The following PACRG variants were observed in gnomAD, a reference collection of about 807,000 sequenced individuals.
PACRG encodes parkin coregulated, also known as parkin coregulated gene protein.
Under a neutral mutation model 29.7 loss-of-function variants are expected in PACRG, and 29 were observed. That is an observed-to-expected ratio of 0.98 (90% CI 0.73 to 1.33). The LOEUF is 1.33. Ranked by LOEUF, PACRG falls within the 40% of genes most tolerant of loss-of-function variation. The probability of loss-of-function intolerance (pLI) is 0.00; values close to 1 mark genes in which losing one functional copy is unlikely to be tolerated. For missense variants in PACRG, 279 were observed against 316.2 expected (o/e 0.88, Z 0.89); for synonymous variants, 116 against 118.7 (o/e 0.98, Z 0.15).
chr6:163,116,154 A>G (rs914196276), intron 4 of PACRG, among the ~76,000 whole-genome samples: 62 of 152,360 alleles, frequency 4.1e-4, no homozygotes, highest in South Asian at 2.1e-4. Flanking sequence ...TGCAGGCTGT[A>G]CAGGAAGCAT....
At chr6:163,054,891 C>T (rs1810411941) in intron 2 of PACRG, among the ~76,000 whole-genome samples, 1 of 152,148 alleles carries the variant, frequency 6.6e-6, no homozygotes, top group Non-Finnish European at 1.5e-5. Context: ...GGACCGCCTC[C>T]CCCCTGGCTG....
chr6:163,188,031 C>T lies in PACRG; in HGVS notation c.613+98623C>T, dbSNP rs75362008. 8.3e-4 allele frequency among the ~76,000 whole-genome samples: 126 copies of T among 152,268 alleles called. 2 individuals are homozygous for T. In the East Asian group the frequency reaches 0.02, roughly 24 times the overall value. On this transcript the variant is annotated intron_variant, in intron 4 of 4. Transcript: ENST00000366888. The stretch of plus-strand genomic sequence containing the variant: ...AAAATGAGCATATCTCTTTGAAACA[C>T]CCCTTACAATATTAGTTTTTAAAAT...
At chr6:162,852,001 G>GGAAGGAAGGAAGGAAAGGA (rs1554291923) in intron 2 of PACRG, among the ~76,000 whole-genome samples, 3 of 100,002 alleles carry the variant, frequency 3.0e-5, no homozygotes, top group Admixed American at 9.9e-5. Flanking sequence ...GGGAGGGAGG[G>GGAAGGAAGGAAGGAAAGGA]AGGGAGGAAG....
intron 4 of PACRG, among the ~76,000 whole-genome samples, chr6:163,187,426 A>G (rs1779995991): frequency 1.3e-5 from 2 of 152,002 alleles, no homozygotes; most frequent in Non-Finnish European, 2.9e-5. Context: ...ATCTCTTTGC[A>G]GCACTGCTGA....
intron 4 of PACRG, among the ~76,000 whole-genome samples, chr6:163,171,415 G>A (rs1238551458): frequency 6.6e-6 from 1 of 152,150 alleles, no homozygotes; most frequent in Admixed American, 6.5e-5. Flanking sequence ...CTCACTTATT[G>A]TATATCTTTG....
chr6:162,988,092 TG>T (rs1803064901), intron 2 of PACRG, among the ~76,000 whole-genome samples: 2 of 152,184 alleles, frequency 1.3e-5, no homozygotes, highest in Admixed American at 6.5e-5. Context: ...TGAATTCTTT[TG>T]GTTTTCCTGG....
intron 4 of PACRG, among the ~76,000 whole-genome samples, chr6:163,304,193 T>G (rs1785111175): frequency 6.6e-6 from 1 of 152,126 alleles, no homozygotes. Context: ...CTCCACATAT[T>G]GAAGCTCATT....
chr6:162,791,690 A>G (rs917604358), intron 1 of PACRG, among the ~76,000 whole-genome samples: 1 of 152,144 alleles, frequency 6.6e-6, no homozygotes, highest in Non-Finnish European at 1.5e-5. Flanking sequence ...TCATATCTAG[A>G]TTATTTAAAA....
rs1470951450 is a variant in PACRG at position 163,315,440 on chromosome 6, T to C, written c.*453T>C. 1 of 154,260 alleles carries C rather than the reference T, an allele frequency of 6.5e-6. No homozygotes were observed. The highest frequency in any genetic ancestry group is 2.4e-5 in the African/African-American group (1 of 41,472). 9.6% of individuals were successfully genotyped at this position (154,260 alleles called of 1,614,324 possible). ...AAGCATGGGTTCAGCAGTGCCTCTCTAGCAGCTGTGCGGAATAATGTGCTT... is the reference window on the plus strand; with the variant it reads ...AAGCATGGGTTCAGCAGTGCCTCTCCAGCAGCTGTGCGGAATAATGTGCTT... On this transcript the variant is annotated 3_prime_UTR_variant, in exon 5 of 5. Coordinates refer to ENST00000366888, the MANE Select transcript of PACRG (RefSeq NM_001080379.2).
chr6:162,961,239 T>C (rs1023095892), intron 2 of PACRG, among the ~76,000 whole-genome samples: 1 of 152,098 alleles, frequency 6.6e-6, no homozygotes, highest in African/African-American at 2.4e-5. Flanking sequence ...GTTTCAGGGG[T>C]TTCCATGAAA....
chr6:162,927,980 G>A (rs1023168164), intron 2 of PACRG, among the ~76,000 whole-genome samples: 1 of 151,974 alleles, frequency 6.6e-6, no homozygotes, highest in Admixed American at 6.6e-5. Flanking sequence ...ATATTGGCTT[G>A]TAGTTTCCTT....
rs2128429571 is a variant in PACRG, at chr6:162,853,873, A to G, written c.291+39592A>G. Among the ~76,000 whole-genome samples, 1 of 152,268 alleles carries G rather than the reference A, an allele frequency of 6.6e-6. No individual in the cohort carries two copies. The highest frequency in any genetic ancestry group is 2.4e-5 in the African/African-American group (1 of 41,554). ...TATGTATCTACCTCATAGGGTTGTC[A>G]TTTATTATAAAGATGAAATAAGACC... On this transcript the variant is annotated intron_variant, in intron 2 of 4. Transcript: ENST00000366888. This position sits in a 1 kb window ranked among gnomAD's most constrained non-coding sequence, Gnocchi z 4.7.
intron 2 of PACRG, among the ~76,000 whole-genome samples, chr6:162,888,406 G>A (rs538895630): frequency 2.0e-5 from 3 of 152,262 alleles, no homozygotes; most frequent in Admixed American, 6.5e-5. Flanking sequence ...TCTTGCATCC[G>A]TAGGATCGCT....
intron 1 of PACRG, among the ~76,000 whole-genome samples, chr6:162,781,880 CAAA>C (rs35641289): frequency 2.0e-5 from 3 of 150,068 alleles, no homozygotes; most frequent in African/African-American, 7.3e-5. Flanking sequence ...GAAACAAAAA[CAAA>C]AAAAAGCAAT....
At chr6:163,136,608 T>C (rs980926585) in intron 4 of PACRG, among the ~76,000 whole-genome samples, 15 of 152,242 alleles carry the variant, frequency 9.9e-5, no homozygotes, top group African/African-American at 3.6e-4. Flanking sequence ...CAGGGTTCAT[T>C]TTTTGAAAAC....
chr6:163,162,580 T>C (rs937478746), intron 4 of PACRG, among the ~76,000 whole-genome samples: 9 of 152,208 alleles, frequency 5.9e-5, no homozygotes, highest in Non-Finnish European at 1.0e-4. Flanking sequence ...GAGTGGTAAA[T>C]GCTTGCCCAA....
chr6:163,185,947 T>C (rs1779899881), intron 4 of PACRG, among the ~76,000 whole-genome samples: 1 of 151,928 alleles, frequency 6.6e-6, no homozygotes, highest in Non-Finnish European at 1.5e-5. Context: ...CCCCAGCAAA[T>C]CACCCCAGCA....
chr6:163,265,370 T>C (rs1783491008), intron 4 of PACRG, among the ~76,000 whole-genome samples: 1 of 152,072 alleles, frequency 6.6e-6, no homozygotes, highest in Non-Finnish European at 1.5e-5. Flanking sequence ...CCGTCAGGAA[T>C]GCCCGGGCTC....
chr6:163,179,983 C>A (rs983271545), intron 4 of PACRG, among the ~76,000 whole-genome samples: 1 of 152,238 alleles, frequency 6.6e-6, no homozygotes, highest in Non-Finnish European at 1.5e-5. Context: ...TGGACACATG[C>A]CTGGCTGGCT....
Sources: gnomAD v4.1 joint callset for allele counts (sites outside exome capture counted in the v4.1 genomes callset) on GRCh38, gnomAD v4.1.1 for gene constraint, Gnocchi (gnomAD v3.1) non-coding constraint, MANE v1.5 for transcripts, NCBI Gene and HGNC (gene_info 2026-07-23, HGNC 2026-07-21) for gene names.